HPSE2: variants seen among roughly 807,000 people sequenced by gnomAD.
HPSE2 encodes heparanase 2 (inactive), also known as inactive heparanase-2.
A neutral mutation model predicts 60.5 loss-of-function variants in HPSE2; 38 were observed. The ratio of observed to expected loss-of-function variants is 0.63; its 90% CI spans 0.48 to 0.82. HPSE2 has a LOEUF of 0.82. Ranked by LOEUF, HPSE2 falls within the 40% of genes least tolerant of loss-of-function variation. HPSE2 has a pLI of 0.00. For synonymous variants in HPSE2, 295 were observed against 293.2 expected (o/e 1.01, Z -0.06); for missense variants, 713 against 740.4 (o/e 0.96, Z 0.43).
At chr10:98,872,004 C>T (rs1952744642) in intron 3 of HPSE2, among the ~76,000 whole-genome samples, 1 of 152,068 alleles carries the variant, frequency 6.6e-6, no homozygotes, top group Non-Finnish European at 1.5e-5. Flanking sequence ...TTGTTTATAT[C>T]CCACCTCTAT....
intron 3 of HPSE2, among the ~76,000 whole-genome samples, chr10:99,062,695 C>T (rs920269535): frequency 2.0e-4 from 30 of 152,088 alleles, no homozygotes; most frequent in African/African-American, 7.0e-4. Flanking sequence ...AGCCAGAAAT[C>T]ATGAAGTAAG....
the HPSE2 span, among the ~76,000 whole-genome samples, chr10:99,283,666 G>A: frequency 8.9e-4 from 136 of 152,048 alleles, no homozygotes; most frequent in Middle Eastern, 0.01. Context: ...AAATGAAAAA[G>A]GGGACATTAC....
At chr10:99,239,378 T>C (rs1849909701), upstream of HPSE2, among the ~76,000 whole-genome samples, 1 of 150,092 alleles carries the variant, frequency 6.7e-6, no homozygotes, top group Middle Eastern at 3.5e-3. Flanking sequence ...TCAAAATAAA[T>C]ATTAGTTAAT....
chr10:99,239,075 C>T (rs1276370908), upstream of HPSE2, among the ~76,000 whole-genome samples: 1 of 152,080 alleles, frequency 6.6e-6, no homozygotes, highest in Non-Finnish European at 1.5e-5. Flanking sequence ...AGAAGAATTG[C>T]TTGAACCTGG....
At chr10:99,222,324 G>T (rs1849341922) in intron 2 of HPSE2, among the ~76,000 whole-genome samples, 1 of 152,028 alleles carries the variant, frequency 6.6e-6, no homozygotes, top group South Asian at 2.1e-4. Context: ...TTTGTTCCTT[G>T]ATTTCTTCAT....
intron 2 of HPSE2, among the ~76,000 whole-genome samples, chr10:99,214,293 T>C (rs564504609): frequency 6.6e-6 from 1 of 152,278 alleles, no homozygotes; most frequent in Non-Finnish European, 1.5e-5. Context: ...GGAAAACAAT[T>C]TGTCATTTTC....
intron 6 of HPSE2, among the ~76,000 whole-genome samples, chr10:98,654,124 T>C (rs145474640): frequency 6.6e-6 from 1 of 152,136 alleles, no homozygotes. Context: ...GTTTTCCTAT[T>C]GTTTTTCAAG....
chr10:99,209,490 T>C (rs565868402), intron 2 of HPSE2, among the ~76,000 whole-genome samples: 5 of 151,422 alleles, frequency 3.3e-5, no homozygotes, highest in African/African-American at 1.2e-4. Flanking sequence ...AGCAGCAAAA[T>C]AAGATGCAAG....
At chr10:99,102,967 C>T (rs1318551608) in intron 3 of HPSE2, among the ~76,000 whole-genome samples, 11 of 152,084 alleles carry the variant, frequency 7.2e-5, no homozygotes, top group African/African-American at 2.2e-4. Context: ...ACATTAGGTA[C>T]TGATGGGACG....
Position 98,788,227 on chromosome 10 carries a change from G to T in HPSE2, c.611-44171C>A, listed in dbSNP as rs950864218. Among the ~76,000 whole-genome samples, 10 of 46,288 alleles carry T rather than the reference G, an allele frequency of 2.2e-4. 2 individuals are homozygous for T. The highest frequency in any genetic ancestry group is 6.1e-4 in the African/African-American group (10 of 16,372). The allele number at this position is 46,288 out of a possible 152,430, so 30.4% of individuals were successfully genotyped here. ...CCGTGTGAGGTGTCAGTGTGCCCCTGCTGGGGGGTGCCTCCCAGTTAGGCT... is the reference window on the plus strand; with the variant it reads ...CCGTGTGAGGTGTCAGTGTGCCCCTTCTGGGGGGTGCCTCCCAGTTAGGCT... On this transcript the variant is annotated intron_variant, in intron 3 of 11. Coordinates refer to ENST00000370552, the MANE Select transcript of HPSE2 (RefSeq NM_021828.5).
intron 6 of HPSE2, among the ~76,000 whole-genome samples, chr10:98,659,945 A>G (rs1006044544): frequency 3.3e-5 from 5 of 152,244 alleles, no homozygotes; most frequent in African/African-American, 1.2e-4. Flanking sequence ...TGGTATTGCT[A>G]ACTTCACTGA....
chr10:99,108,396 G>A (rs1386018556), intron 3 of HPSE2, among the ~76,000 whole-genome samples: 3 of 148,124 alleles, frequency 2.0e-5, no homozygotes, highest in African/African-American at 7.5e-5. Context: ...AGAAGACACT[G>A]TTTAGAAAAA....
At chr10:98,462,678 G>A (rs1257312977) in intron 11 of HPSE2, among the ~76,000 whole-genome samples, 2 of 151,938 alleles carry the variant, frequency 1.3e-5, no homozygotes, top group Non-Finnish European at 2.9e-5. Flanking sequence ...GTTTTTTTGA[G>A]AGGGAGCCAT....
chr10:99,034,760 C>T (rs893496863), intron 3 of HPSE2, among the ~76,000 whole-genome samples: 1 of 152,166 alleles, frequency 6.6e-6, no homozygotes, highest in African/African-American at 2.4e-5. Flanking sequence ...GTTATAGCCT[C>T]CTACACACCT....
At chr10:99,043,147 C>G (rs1957778738) in intron 3 of HPSE2, among the ~76,000 whole-genome samples, 1 of 152,082 alleles carries the variant, frequency 6.6e-6, no homozygotes, top group Non-Finnish European at 1.5e-5. Flanking sequence ...AGCCAGTGTC[C>G]CCTTCCCTCC....
chr10:98,656,945 TAG>T (rs1019525086), intron 6 of HPSE2, among the ~76,000 whole-genome samples: 3 of 152,050 alleles, frequency 2.0e-5, no homozygotes, highest in African/African-American at 7.2e-5. Context: ...GTATTTTTGG[TAG>T]AGACATGGTT....
At chr10:99,011,392 G>A (rs2135400590) in intron 3 of HPSE2, among the ~76,000 whole-genome samples, 1 of 152,004 alleles carries the variant, frequency 6.6e-6, no homozygotes, top group East Asian at 1.9e-4. Context: ...TTAAAAGGCT[G>A]AAATTTAGTT....
At chr10:98,762,577 A>G (rs571718855) in intron 3 of HPSE2, among the ~76,000 whole-genome samples, 1 of 152,310 alleles carries the variant, frequency 6.6e-6, no homozygotes, top group African/African-American at 2.4e-5. Context: ...CCATGGGCCA[A>G]GTCCCAAACT....
intron 2 of HPSE2, among the ~76,000 whole-genome samples, chr10:99,164,190 G>C (rs1846962031): frequency 7.5e-6 from 1 of 133,010 alleles, no homozygotes. Context: ...ATAAGGAAGA[G>C]AGTTGTCTCT....
Sources: gnomAD v4.1 joint callset for allele counts (sites outside exome capture counted in the v4.1 genomes callset) on GRCh38, gnomAD v4.1.1 for gene constraint, MANE v1.5 for transcripts, NCBI Gene and HGNC (gene_info 2026-07-23, HGNC 2026-07-21) for gene names.